Variants in CFAP52 observed in about 807,000 individuals in gnomAD.
CFAP52 encodes cilia- and flagella-associated protein 52.
Under a neutral mutation model 70.5 loss-of-function variants are expected in CFAP52, and 57 were observed. The ratio of observed to expected loss-of-function variants is 0.81; its 90% confidence interval spans 0.65 to 1.01. The LOEUF is 1.01. CFAP52 is among the 50% of genes least tolerant of loss of function. The probability of loss-of-function intolerance (pLI) is 0.00; values close to 1 mark genes in which losing one functional copy is unlikely to be tolerated. For missense variants in CFAP52, 785 were observed against 788.5 expected (o/e 1.00, Z 0.05); for synonymous variants, 267 against 292.5 (o/e 0.91, Z 0.89).
intron 8 of CFAP52, among the ~76,000 whole-genome samples, chr17:9,624,683 C>T: frequency 6.6e-6 from 1 of 152,086 alleles, no homozygotes; most frequent in East Asian, 1.9e-4. Context: ...GAATCAGTTG[C>T]TTCTGACTCT....
rs763582624 is a variant in CFAP52, at chr17:9,635,397, G to A, written c.1321-8G>A. On this transcript the variant is annotated splice_region_variant and splice_polypyrimidine_tract_variant and intron_variant, in intron 10 of 13. Coordinates refer to ENST00000352665, the MANE Select transcript of CFAP52 (RefSeq NM_145054.5). The stretch of plus-strand genomic sequence containing the variant: ...GTGGATCAAGATCCTGTGCTCTGTG[G>A]CTTTCAGGTGAGGGTATGGCAGATA... 1.9e-6 allele frequency: 3 copies of A among 1,613,752 alleles called. No individual in the cohort carries two copies. In the Admixed American group the frequency reaches 5.0e-5, roughly 27 times the overall value.
At chr17:9,586,602 G>T in intron 2 of CFAP52, 96 bp from the exon 3 acceptor site, 75 of 1,270,056 alleles carry the variant, frequency 5.9e-5, no homozygotes, top group Non-Finnish European at 7.2e-5. Flanking sequence ...AAAAAGAAAA[G>T]TGACAGTACT....
chr17:9,612,924 C>T (rs180836141), intron 8 of CFAP52, among the ~76,000 whole-genome samples: 32 of 152,088 alleles, frequency 2.1e-4, no homozygotes, highest in Admixed American at 1.9e-3. Context: ...ATGAGATATT[C>T]GACACTTTAT....
downstream of CFAP52, among the ~76,000 whole-genome samples, chr17:9,643,617 A>G (rs769673846): frequency 7.4e-4 from 113 of 152,220 alleles, no homozygotes; most frequent in Non-Finnish European, 4.1e-4. Flanking sequence ...ATTTAAATCC[A>G]GATCTTGGGC....
At chr17:9,609,083 C>T (rs115025791) in intron 7 of CFAP52, among the ~76,000 whole-genome samples, 1,613 of 152,218 alleles carry the variant, frequency 0.011, 28 homozygotes, top group African/African-American at 0.037. Flanking sequence ...TGCTTTATGG[C>T]CTCTGCTACC....
intron 5 of CFAP52, chr17:9,598,587 C>T (rs973901339): frequency 4.2e-6 from 1 of 236,692 alleles, no homozygotes; most frequent in Non-Finnish European, 8.2e-6. Flanking sequence ...CATGGTGAAA[C>T]CTTGTCTCTA....
chr17:9,596,058 T>C (rs1908990902), intron 4 of CFAP52, among the ~76,000 whole-genome samples: 1 of 79,730 alleles, frequency 1.3e-5, no homozygotes, highest in Non-Finnish European at 2.2e-5. Context: ...TATATGTGTG[T>C]GTATATATAT....
chr17:9,581,929 T>C (rs544443053), intron 1 of CFAP52, among the ~76,000 whole-genome samples: 129 of 152,304 alleles, frequency 8.5e-4, no homozygotes, highest in African/African-American at 3.0e-3. Flanking sequence ...TTAGTTCGTG[T>C]CACTTGGTCT....
intron 11 of CFAP52, among the ~76,000 whole-genome samples, chr17:9,636,871 C>A (rs544778705): frequency 1.1e-4 from 17 of 152,260 alleles, no homozygotes; most frequent in Admixed American, 7.2e-4. Context: ...ATGGTGAAAG[C>A]CCGTCTCTAC....
chr17:9,636,179 A>AAAGAAAG (rs1375570957), intron 11 of CFAP52, among the ~76,000 whole-genome samples: 34 of 99,168 alleles, frequency 3.4e-4, no homozygotes, highest in Non-Finnish European at 4.5e-4. Context: ...TGTCTCAAAA[A>AAAGAAAG]AAAGAAAGAA....
At chr17:9,579,326 C>A (rs553365339) in intron 1 of CFAP52, among the ~76,000 whole-genome samples, 1 of 151,962 alleles carries the variant, frequency 6.6e-6, no homozygotes, top group South Asian at 2.1e-4. Context: ...ACAGCAATAG[C>A]GGGGGGCAGA....
intron 10 of CFAP52, among the ~76,000 whole-genome samples, chr17:9,633,276 C>T (rs987274102): frequency 6.6e-6 from 1 of 152,186 alleles, no homozygotes; most frequent in African/African-American, 2.4e-5. Flanking sequence ...TCAATCTTGG[C>T]TCGTTACAAC....
Position 9,601,996 on chromosome 17 carries a change from G to A in CFAP52, c.753+1813G>A, listed in dbSNP as rs117068078. 2.8e-3 allele frequency among the ~76,000 whole-genome samples: 433 copies of A among 152,254 alleles called. 2 individuals carry two copies. Among genetic ancestry groups the A allele is most frequent in the Middle Eastern group, 6.8e-3 (2 of 294 alleles). On this transcript the variant is annotated intron_variant, in intron 6 of 13. Transcript: ENST00000352665. ...AGTCACATAATCATTTAATATTCAA[G>A]CATTCAAGGAGATGCATAAAAAGAG... is the stretch of plus-strand genomic sequence containing the variant.
At chr17:9,638,299 T>C (rs950769146) in intron 11 of CFAP52, among the ~76,000 whole-genome samples, 2 of 152,194 alleles carry the variant, frequency 1.3e-5, no homozygotes, top group African/African-American at 4.8e-5. Flanking sequence ...TTCAGCCTCT[T>C]CTGCTTCTTC....
chr17:9,635,352 T>C, intron 10 of CFAP52, 53 bp from the exon 11 acceptor site: 1 of 1,599,400 alleles, frequency 6.3e-7, no homozygotes, highest in Non-Finnish European at 8.5e-7. Context: ...TCTTTTCCTA[T>C]CCCTTCAGAA....
At chr17:9,644,907 T>C (rs1911253562), downstream of CFAP52, 1 of 152,158 alleles carries the variant, frequency 6.6e-6, no homozygotes, top group South Asian at 2.1e-4. Flanking sequence ...TTGCAAGTTT[T>C]TGGAAAATGA....
intron 1 of CFAP52, among the ~76,000 whole-genome samples, chr17:9,577,657 A>C (rs1396374191): frequency 6.6e-6 from 1 of 152,236 alleles, no homozygotes; most frequent in Non-Finnish European, 1.5e-5. Context: ...AACAGTCTCC[A>C]ATAGAAAGTG....
Position 9,643,401 on chromosome 17 carries a change from C to T in CFAP52, c.*203C>T, listed in dbSNP as rs1208113128. On this transcript the variant is annotated 3_prime_UTR_variant, in exon 14 of 14. Coordinates refer to ENST00000352665, the MANE Select transcript of CFAP52 (RefSeq NM_145054.5). ...TATGTTCAAGAATAATTTGTGCAGA[C>T]TCTAATTAGAACTTTTAACATTTTG... The T allele has an allele frequency of 2.3e-6, 1 of 435,212 alleles. No individual in the cohort carries two copies. The highest frequency in any genetic ancestry group is 2.0e-5 in the African/African-American group (1 of 49,304). The allele number at this position is 435,212 out of a possible 1,614,324, so 27.0% of individuals were successfully genotyped here. A position where few individuals can be genotyped will look rare whatever the true frequency, so the allele number is the denominator to read the frequency against.
At position 9,604,711 on chromosome 17, in the gene CFAP52, T is replaced by C. The variant is rs1203789529; in HGVS notation, c.754-3408T>C. Among the ~76,000 whole-genome samples the C allele has an allele frequency of 5.3e-5, 8 of 151,442 alleles. No individual in the cohort carries two copies. The Admixed American group carries it at 5.3e-4, about 10-fold the overall frequency. On this transcript the variant is annotated intron_variant, in intron 6 of 13. Transcript: ENST00000352665. ...TGAACCCGGCAGTGAGATCACGCCA[T>C]TGCACTTCAGCCTGGGGGACACAGC...
Sources: gnomAD v4.1 joint callset for allele counts (sites outside exome capture counted in the v4.1 genomes callset) on GRCh38, gnomAD v4.1.1 for gene constraint, MANE v1.5 for transcripts, NCBI Gene and HGNC (gene_info 2026-07-23, HGNC 2026-07-21) for gene names.